The following SLAMF1 variants were observed in gnomAD, a reference collection of about 807,000 sequenced individuals.
SLAMF1 encodes signaling lymphocytic activation molecule family member 1.
Under a neutral mutation model 35.1 loss-of-function variants are expected in SLAMF1, and 18 were observed. The ratio of observed to expected loss-of-function variants is 0.51; its 90% CI spans 0.35 to 0.76. SLAMF1 has a LOEUF of 0.76. SLAMF1 is among the 30% of genes least tolerant of loss of function. The pLI is 0.01. For missense variants in SLAMF1, 392 were observed against 413.0 expected, an observed-to-expected ratio of 0.95 and a Z score of 0.44; for synonymous variants, 168 against 157.2, an observed-to-expected ratio of 1.07 and a Z score of -0.51.
In SLAMF1 at chr1:160,609,273, G is replaced by T. The variant is rs1658853427; in HGVS notation, c.*1475C>A. On this transcript the variant is annotated 3_prime_UTR_variant, in exon 7 of 7. Coordinates refer to ENST00000302035, the MANE Select transcript of SLAMF1 (RefSeq NM_003037.5). ...CTGCTCACTTTCAAAGCATGGTTTT[G>T]CAGAAACTTCTAGCAGTTATTGGAA... The T allele has an allele frequency of 6.6e-6, 1 of 152,136 alleles. No homozygotes were observed. The allele number at this position is 152,136 out of a possible 1,614,324, so 9.4% of individuals were successfully genotyped here.
chr1:160,621,516 G>A (rs1459917074), intron 4 of SLAMF1, among the ~76,000 whole-genome samples: 1 of 132,130 alleles, frequency 7.6e-6, no homozygotes, highest in Non-Finnish European at 1.5e-5. Flanking sequence ...CCGAGATCAT[G>A]CCATTGCACT....
intron 3 of SLAMF1, among the ~76,000 whole-genome samples, chr1:160,629,871 G>T (rs959288157): frequency 1.3e-5 from 2 of 152,168 alleles, no homozygotes; most frequent in Non-Finnish European, 2.9e-5. Context: ...TCGCTAAATT[G>T]GGAAGACCCT....
At chr1:160,632,882 CCATCA>C (rs767953184) in intron 3 of SLAMF1, among the ~76,000 whole-genome samples, 6 of 152,166 alleles carry the variant, frequency 3.9e-5, no homozygotes, top group Non-Finnish European at 8.8e-5. Flanking sequence ...AAGCCTAGCT[CCATCA>C]CTTGCTCTGT....
intron 3 of SLAMF1, among the ~76,000 whole-genome samples, chr1:160,631,735 G>A (rs1017695779): frequency 1.3e-5 from 2 of 152,110 alleles, no homozygotes; most frequent in African/African-American, 4.8e-5. Context: ...ACAGTGAGAA[G>A]GTAGCCATAT....
At chr1:160,619,917 G>A in intron 4 of SLAMF1, 68 bp from the exon 5 acceptor site, 1 of 1,038,936 alleles carries the variant, frequency 9.6e-7, no homozygotes, top group Non-Finnish European at 1.5e-6. Context: ...CTCAGACCTG[G>A]TCTTTACTGT....
Position 160,608,631 on chromosome 1 carries a change from T to C in SLAMF1, c.*2117A>G, listed in dbSNP as rs572843423. On this transcript the variant is annotated 3_prime_UTR_variant, in exon 7 of 7. Coordinates refer to ENST00000302035, the MANE Select transcript of SLAMF1 (RefSeq NM_003037.5). ...GATACTTGGAAGTGATAGCCTCTTC[T>C]TCACCCTTTGTTTCTGCCCTTCCTT... The C allele has an allele frequency of 7.2e-5, 11 of 152,234 alleles. No individual in the cohort carries two copies. Among genetic ancestry groups the C allele is most frequent in the Non-Finnish European group, 1.5e-4 (10 of 68,060 alleles). 9.4% of individuals were successfully genotyped at this position (152,234 alleles called of 1,614,324 possible).
intron 6 of SLAMF1, 115 bp downstream of exon 6, chr1:160,612,373 A>G: frequency 1.6e-6 from 1 of 634,222 alleles, no homozygotes. Flanking sequence ...CTAGTGCCCA[A>G]TAGCTATTTT....
In SLAMF1 at chr1:160,612,500, T is replaced by G. The variant is rs746497637; in HGVS notation, c.945A>C (p.Pro315=). The G allele has an allele frequency of 1.9e-6, 3 of 1,610,524 alleles. No homozygotes were observed. Among genetic ancestry groups the G allele is most frequent in the Non-Finnish European group, 2.5e-6 (3 of 1,177,322 alleles). ...TIYVAATEPV[P]ESVQETNSIT... ...AGAGATGCCTCACCTGGACAGACTC[T>G]GGGACAGGCTCTGTGGCAGCAACAT... The change falls in exon 6 of 7, where the codon CCA becomes CCC. Residue 315 remains proline, a synonymous_variant. Transcript: ENST00000302035.
rs1184249247 is a variant in SLAMF1, at chr1:160,640,359, T to TACAC, written c.77-2834_77-2831dup. 2.5e-4 allele frequency among the ~76,000 whole-genome samples: 31 copies of TACAC among 122,446 alleles called. No individual in the cohort carries two copies. The East Asian group carries it at 3.9e-3, about 15-fold the overall frequency. 80.3% of individuals were successfully genotyped at this position (122,446 alleles called of 152,430 possible). On this transcript the variant is annotated intron_variant, in intron 1 of 6. Coordinates refer to ENST00000302035, the MANE Select transcript of SLAMF1 (RefSeq NM_003037.5). ...ATATATATATATATATATATATATATACACACACACACACACATATATATA... is the reference window on the plus strand; with the variant it reads ...ATATATATATATATATATATATATATACACACACACACACACACACATATATATA...
chr1:160,632,563 C>T (rs1191015420), intron 3 of SLAMF1, among the ~76,000 whole-genome samples: 2 of 152,120 alleles, frequency 1.3e-5, no homozygotes, highest in South Asian at 2.1e-4. Flanking sequence ...CTTTATGGCC[C>T]ACCAACACTT....
chr1:160,613,712 G>A (rs561364281), intron 5 of SLAMF1, among the ~76,000 whole-genome samples: 1 of 152,312 alleles, frequency 6.6e-6, no homozygotes, highest in East Asian at 1.9e-4. Flanking sequence ...GGAGGAAAAA[G>A]GGATGGGACA....
At chr1:160,614,250 G>A (rs182869091) in intron 5 of SLAMF1, among the ~76,000 whole-genome samples, 146 of 152,286 alleles carry the variant, frequency 9.6e-4, no homozygotes, top group African/African-American at 3.2e-3. Context: ...TTCTTGCAGT[G>A]ATGAGATAAA....
At chr1:160,622,665 A>C (rs1659681864) in intron 4 of SLAMF1, among the ~76,000 whole-genome samples, 1 of 152,222 alleles carries the variant, frequency 6.6e-6, no homozygotes, top group Non-Finnish European at 1.5e-5. Context: ...CTCCACCACA[A>C]TACCATGAAG....
rs941397656 is a variant in SLAMF1 at position 160,635,625 on chromosome 1, G to T, written c.416-728C>A. Among the ~76,000 whole-genome samples, 5 of 146,910 alleles carry T rather than the reference G, an allele frequency of 3.4e-5. No homozygotes were observed. The East Asian group carries it at 9.9e-4, about 29-fold the overall frequency. ...CTCGCTCTGTCACCTAAGCTGGAGT[G>T]CAGTGGCACAATCTCAGCTCACTGC... On this transcript the variant is annotated intron_variant, in intron 2 of 6. Transcript: ENST00000302035.
chr1:160,624,316 A>G (rs1659767954), intron 3 of SLAMF1, 131 bp from the exon 4 acceptor site: 2 of 709,044 alleles, frequency 2.8e-6, no homozygotes, highest in South Asian at 3.4e-5. Context: ...GTTTGTTTTC[A>G]TGGTTTTAGA....
intron 4 of SLAMF1, among the ~76,000 whole-genome samples, chr1:160,621,416 A>T (rs1172066474): frequency 1.3e-5 from 2 of 151,992 alleles, no homozygotes; most frequent in African/African-American, 2.4e-5. Flanking sequence ...AAAATTAGCC[A>T]GGCATGGTGG....
At chr1:160,641,626 A>T (rs1274437975) in intron 1 of SLAMF1, among the ~76,000 whole-genome samples, 1 of 152,150 alleles carries the variant, frequency 6.6e-6, no homozygotes, top group Non-Finnish European at 1.5e-5. Flanking sequence ...ATACCCCACA[A>T]CCCACATAAA....
rs116925330 is a variant in SLAMF1 at position 160,626,714 on chromosome 1, G to A, written c.701-2529C>T. On this transcript the variant is annotated intron_variant, in intron 3 of 6. Coordinates refer to ENST00000302035, the MANE Select transcript of SLAMF1 (RefSeq NM_003037.5). ...TTTGTGCTTTAGCCTCTGGAGATGC[G>A]GTCCCCATAAAGAAGGCAGTAGTGA... 9.8e-4 allele frequency among the ~76,000 whole-genome samples: 149 copies of A among 152,168 alleles called. 3 individuals carry two copies. In the East Asian group the frequency reaches 0.026, roughly 27 times the overall value.
At chr1:160,621,668 T>A (rs1389406780) in intron 4 of SLAMF1, among the ~76,000 whole-genome samples, 1 of 150,476 alleles carries the variant, frequency 6.6e-6, no homozygotes, top group Non-Finnish European at 1.5e-5. Context: ...GTGAGCATGG[T>A]GGAATGTGCT....
Sources: gnomAD v4.1 joint callset for allele counts (sites outside exome capture counted in the v4.1 genomes callset) on GRCh38, gnomAD v4.1.1 for gene constraint, MANE v1.5 for transcripts, NCBI Gene and HGNC (gene_info 2026-07-23, HGNC 2026-07-21) for gene names.